Variants in C12orf42 observed in about 807,000 individuals in gnomAD.
C12orf42 encodes the protein chromosome 12 open reading frame 42.
A neutral mutation model predicts 21.6 loss-of-function variants in C12orf42; 25 were observed. That is an observed-to-expected ratio of 1.16 (90% CI 0.84 to 1.62). The LOEUF (loss-of-function observed/expected upper bound fraction) is 1.62. Among genes scored for constraint, C12orf42 ranks in the 40% most tolerant of loss-of-function variants. The probability of loss-of-function intolerance (pLI) is 0.00; values close to 1 mark genes in which losing one functional copy is unlikely to be tolerated. For missense variants in C12orf42, 483 were observed against 459.3 expected (o/e 1.05, Z -0.47); for synonymous variants, 174 against 175.0 (o/e 0.99, Z 0.05).
the C12orf42 span, among the ~76,000 whole-genome samples, chr12:103,195,766 C>T: frequency 6.6e-6 from 1 of 152,198 alleles, no homozygotes; most frequent in Middle Eastern, 3.4e-3. Context: ...ATTTCCTTTG[C>T]TGTGCAGAAG....
chr12:103,128,997 C>T, the C12orf42 span, among the ~76,000 whole-genome samples: 1 of 152,134 alleles, frequency 6.6e-6, no homozygotes, highest in Admixed American at 6.6e-5. Context: ...GAAAGGGAGG[C>T]AGCACCCAGC....
the C12orf42 span, chr12:103,557,936 A>T: frequency 2.6e-5 from 4 of 152,336 alleles, no homozygotes; most frequent in African/African-American, 9.6e-5. Flanking sequence ...ATGATTGAAA[A>T]TGTTAAATTG....
intron 4 of C12orf42, chr12:103,349,239 T>C (rs2042895371): frequency 6.6e-6 from 1 of 152,166 alleles, no homozygotes; most frequent in African/African-American, 2.4e-5. Flanking sequence ...GCAGGATCTC[T>C]ACACTGGGCA....
At chr12:103,264,808 C>T (rs2035083454), downstream of C12orf42, among the ~76,000 whole-genome samples, 3 of 152,070 alleles carry the variant, frequency 2.0e-5, no homozygotes, top group African/African-American at 7.2e-5. Flanking sequence ...TCATATATGG[C>T]ACTTTTATTT....
At chr12:103,426,996 G>A (rs1323983929) in intron 2 of C12orf42, among the ~76,000 whole-genome samples, 3 of 152,218 alleles carry the variant, frequency 2.0e-5, no homozygotes, top group South Asian at 2.1e-4. Flanking sequence ...ACCAGCCACT[G>A]CAAAAACATA....
intron 4 of C12orf42, among the ~76,000 whole-genome samples, chr12:103,354,045 T>C (rs2043320791): frequency 6.6e-6 from 1 of 152,188 alleles, no homozygotes; most frequent in South Asian, 2.1e-4. Flanking sequence ...AGTATACGTG[T>C]ACAAACTAAG....
At chr12:103,412,709 G>C (rs1186991887) in intron 2 of C12orf42, among the ~76,000 whole-genome samples, 2 of 152,164 alleles carry the variant, frequency 1.3e-5, no homozygotes, top group African/African-American at 2.4e-5. Context: ...GCATTTCTCT[G>C]ATGATTAGTG....
downstream of C12orf42, among the ~76,000 whole-genome samples, chr12:103,233,428 G>C (rs1386535252): frequency 6.6e-6 from 1 of 152,174 alleles, no homozygotes; most frequent in African/African-American, 2.4e-5. Flanking sequence ...CTGACATCTT[G>C]ACAATATTGA....
chr12:103,100,919 G>A, the C12orf42 span, among the ~76,000 whole-genome samples: 4 of 152,210 alleles, frequency 2.6e-5, no homozygotes, highest in Non-Finnish European at 5.9e-5. Flanking sequence ...CAAGATAGTG[G>A]TGAGAACTGA....
intron 1 of C12orf42, 178 bp downstream of exon 1, chr12:103,495,724 C>CGCT (rs1270130141): frequency 6.8e-6 from 1 of 146,466 alleles, no homozygotes; most frequent in Non-Finnish European, 1.5e-5. Flanking sequence ...CGGGTCGACC[C>CGCT]GCTCGGGGGC....
At chr12:103,177,033 T>C in the C12orf42 span, among the ~76,000 whole-genome samples, 1 of 152,280 alleles carries the variant, frequency 6.6e-6, no homozygotes, top group East Asian at 1.9e-4. Context: ...CAACAGTTTA[T>C]GAGATATGAG....
chr12:103,167,349 T>G, the C12orf42 span, among the ~76,000 whole-genome samples: 1 of 152,166 alleles, frequency 6.6e-6, no homozygotes, highest in Admixed American at 6.5e-5. Context: ...AACTATAGGG[T>G]TCCCGGAGAT....
chr12:103,462,084 GT>G (rs1324403868), intron 2 of C12orf42, among the ~76,000 whole-genome samples: 1 of 34,784 alleles, frequency 2.9e-5, no homozygotes, highest in African/African-American at 1.0e-4. Context: ...TTTTTGTTTT[GT>G]TTTTTGCTTG....
intron 1 of C12orf42, among the ~76,000 whole-genome samples, chr12:103,482,069 C>T (rs1433325813): frequency 6.6e-6 from 1 of 152,156 alleles, no homozygotes; most frequent in South Asian, 2.1e-4. Flanking sequence ...TCTTTTCCCC[C>T]ACAAGTTAGA....
At chr12:103,110,901 TAAGTG>T in the C12orf42 span, among the ~76,000 whole-genome samples, 1 of 152,208 alleles carries the variant, frequency 6.6e-6, no homozygotes, top group Non-Finnish European at 1.5e-5. Flanking sequence ...CATAGATTTT[TAAGTG>T]GTGACACCAA....
chr12:103,250,350 C>T (rs1049826868), intron 10 of C12orf42, among the ~76,000 whole-genome samples: 1 of 152,020 alleles, frequency 6.6e-6, no homozygotes, highest in African/African-American at 2.4e-5. Flanking sequence ...GCTTCCACAG[C>T]CCCAGAGCTA....
rs60577440 is a variant in C12orf42, at chr12:103,294,583, GGAAAGAAAGAAAGAAAGAAA to G, written n.338-17393_338-17374del. Among the ~76,000 whole-genome samples, 107 of 80,350 alleles carry G rather than the reference GGAAAGAAAGAAAGAAAGAAA, an allele frequency of 1.3e-3. 1 individual carries two copies. The highest frequency in any genetic ancestry group is 7.2e-3 in the East Asian group (22 of 3,042). The allele number at this position is 80,350 out of a possible 152,430, so 52.7% of individuals were successfully genotyped here. On this transcript the variant is annotated intron_variant and non_coding_transcript_variant, in intron 4 of 6. Coordinates refer to the C12orf42 transcript ENST00000546526. The stretch of plus-strand genomic sequence containing the variant: ...AAAGAAAAAGAAAGGAAGGAAGGAA[GGAAAGAAAGAAAGAAAGAAA>G]GAAAGAAAGAAAGAAAGAAAGAAAG...
At chr12:103,393,302 T>C (rs1243083040) in intron 3 of C12orf42, among the ~76,000 whole-genome samples, 2 of 152,042 alleles carry the variant, frequency 1.3e-5, no homozygotes, top group Non-Finnish European at 2.9e-5. Context: ...TCTCACATGA[T>C]AGAAGTGGGA....
the C12orf42 span, among the ~76,000 whole-genome samples, chr12:103,111,648 C>T: frequency 2.0e-5 from 3 of 152,060 alleles, no homozygotes; most frequent in African/African-American, 4.8e-5. Context: ...TCCTCATGTA[C>T]GAGTTTAGGG....
Sources: allele counts gnomAD v4.1 joint callset (sites outside exome capture counted in the v4.1 genomes callset), GRCh38; gene constraint gnomAD v4.1.1; transcripts MANE v1.5; gene names NCBI Gene and HGNC (gene_info 2026-07-23, HGNC 2026-07-21).